The following ADAMTSL1 variants were observed in gnomAD, a reference collection of about 807,000 sequenced individuals.
ADAMTSL1 encodes the protein ADAMTS like 1.
Under a neutral mutation model 201.8 loss-of-function variants are expected in ADAMTSL1, and 126 were observed. The ratio of observed to expected loss-of-function variants is 0.62; its 90% CI spans 0.54 to 0.72. The LOEUF (loss-of-function observed/expected upper bound fraction) is 0.72. ADAMTSL1 is among the 30% of genes least tolerant of loss of function. ADAMTSL1 has a pLI of 0.00. For synonymous variants in ADAMTSL1, 1,121 were observed against 903.4 expected (o/e 1.24, Z -4.32); for missense variants, 2,679 against 2,277.8 (o/e 1.18, Z -3.59).
At chr9:18,281,885 T>C (rs1244117273) in intron 2 of ADAMTSL1, among the ~76,000 whole-genome samples, 1 of 152,232 alleles carries the variant, frequency 6.6e-6, no homozygotes, top group East Asian at 1.9e-4. Context: ...CTACAAATTT[T>C]GATTTGTTGT....
chr9:18,853,893 G>C (rs375466980), intron 23 of ADAMTSL1, among the ~76,000 whole-genome samples: 1,975 of 110,680 alleles, frequency 0.018, 45 homozygotes, highest in South Asian at 0.13. Flanking sequence ...CACTCTCTGT[G>C]TGTGTGTGTG....
intron 1 of ADAMTSL1, among the ~76,000 whole-genome samples, chr9:18,503,440 T>TATATAC (rs1304107760): frequency 7.4e-5 from 11 of 148,336 alleles, no homozygotes; most frequent in African/African-American, 2.2e-4. Flanking sequence ...TATATATATA[T>TATATAC]ACCACATTTT....
At chr9:18,429,006 A>G (rs1382654213) in intron 2 of ADAMTSL1, among the ~76,000 whole-genome samples, 2 of 152,190 alleles carry the variant, frequency 1.3e-5, no homozygotes, top group East Asian at 3.8e-4. Context: ...ATAAGTTCCA[A>G]TGATTTATCA....
chr9:18,260,675 G>GCC (rs1831883933), intron 2 of ADAMTSL1, among the ~76,000 whole-genome samples: 1 of 152,198 alleles, frequency 6.6e-6, no homozygotes, highest in African/African-American at 2.4e-5. Flanking sequence ...GCCTCTGGAA[G>GCC]CCTGCACTTT....
intron 2 of ADAMTSL1, among the ~76,000 whole-genome samples, chr9:18,352,421 A>G (rs1586948855): frequency 6.6e-6 from 1 of 152,230 alleles, no homozygotes; most frequent in East Asian, 1.9e-4. Context: ...TCCTGAGAAC[A>G]TGTGCCAAGT....
At position 18,080,479 on chromosome 9, in the gene ADAMTSL1, G is replaced by C. The variant is rs7048100; in HGVS notation, c.88-83383G>C. On this transcript the variant is annotated intron_variant, in intron 1 of 29. Coordinates refer to the ADAMTSL1 transcript ENST00000680146. Reference sequence around the variant, plus strand: ...CGGATGCACAATATCAGAGAAAAAGGTACTTGTGCTAGAAAGGGTATGGAC... The same window carrying C: ...CGGATGCACAATATCAGAGAAAAAGCTACTTGTGCTAGAAAGGGTATGGAC... Among the ~76,000 whole-genome samples, 787 of 152,120 alleles carry C rather than the reference G, an allele frequency of 5.2e-3. 6 individuals carry two copies. Among genetic ancestry groups the C allele is most frequent in the African/African-American group, 0.018 (742 of 41,468 alleles).
At chr9:17,993,045 A>C (rs917055864) in intron 1 of ADAMTSL1, among the ~76,000 whole-genome samples, 16 of 152,214 alleles carry the variant, frequency 1.1e-4, no homozygotes, top group African/African-American at 3.9e-4. Flanking sequence ...AAATAAGAGA[A>C]TCTATCCCAA....
rs186182444 is a variant in ADAMTSL1 at position 18,018,527 on chromosome 9, T to C, written c.87+111605T>C. 5.5e-3 allele frequency among the ~76,000 whole-genome samples: 834 copies of C among 152,204 alleles called. 7 individuals are homozygous for C. Among genetic ancestry groups the C allele is most frequent in the African/African-American group, 0.019 (787 of 41,568 alleles). On this transcript the variant is annotated intron_variant, in intron 1 of 29. Coordinates refer to the ADAMTSL1 transcript ENST00000680146. ...ATTATAAAAGGCTGTGGTTTTCTTC[T>C]TGAGTGTTCCCTCACTCACCCTTTG...
At chr9:18,613,045 G>A (rs545935570) in intron 4 of ADAMTSL1, among the ~76,000 whole-genome samples, 2 of 152,268 alleles carry the variant, frequency 1.3e-5, no homozygotes, top group African/African-American at 2.4e-5. Context: ...TAAAAGATGG[G>A]TAAAGGACAT....
chr9:18,243,526 C>A (rs1831145091), intron 2 of ADAMTSL1, among the ~76,000 whole-genome samples: 1 of 151,932 alleles, frequency 6.6e-6, no homozygotes, highest in Non-Finnish European at 1.5e-5. Flanking sequence ...CTCTTTCCTC[C>A]CTCAGCCTCT....
chr9:18,009,208 C>T (rs1819951808), intron 1 of ADAMTSL1, among the ~76,000 whole-genome samples: 1 of 151,972 alleles, frequency 6.6e-6, no homozygotes, highest in African/African-American at 2.4e-5. Context: ...AAATATTCTT[C>T]CTCTTCTTCC....
At chr9:18,158,777 C>A (rs777891615) in intron 1 of ADAMTSL1, among the ~76,000 whole-genome samples, 5 of 152,010 alleles carry the variant, frequency 3.3e-5, no homozygotes, top group Middle Eastern at 3.4e-3. Context: ...TCCTTCCAAC[C>A]AGAAGTTAAT....
chr9:18,829,126 T>G (rs1824811238), intron 22 of ADAMTSL1, among the ~76,000 whole-genome samples: 1 of 152,152 alleles, frequency 6.6e-6, no homozygotes. Flanking sequence ...GGCTCTTTAT[T>G]TGTCCAGCAG....
At chr9:18,731,782 G>C (rs1325465869) in intron 15 of ADAMTSL1, among the ~76,000 whole-genome samples, 1 of 152,172 alleles carries the variant, frequency 6.6e-6, no homozygotes, top group Non-Finnish European at 1.5e-5. Context: ...GAAAGCAGGA[G>C]CAAGAGGGAC....
At chr9:17,947,176 A>G (rs1259877874) in intron 1 of ADAMTSL1, among the ~76,000 whole-genome samples, 3 of 150,968 alleles carry the variant, frequency 2.0e-5, no homozygotes, top group African/African-American at 7.3e-5. Flanking sequence ...ATATAGTTAT[A>G]TATAGTATAC....
At chr9:18,284,914 A>C (rs1305228265) in intron 2 of ADAMTSL1, among the ~76,000 whole-genome samples, 2 of 152,162 alleles carry the variant, frequency 1.3e-5, no homozygotes, top group Non-Finnish European at 2.9e-5. Context: ...CATTGTGTAG[A>C]TGTGCCACAG....
intron 1 of ADAMTSL1, among the ~76,000 whole-genome samples, chr9:18,032,616 T>C (rs1399749710): frequency 1.3e-5 from 2 of 152,158 alleles, no homozygotes; most frequent in African/African-American, 4.8e-5. Context: ...GTCAGCAACA[T>C]GGAGAGTCTT....
intron 1 of ADAMTSL1, among the ~76,000 whole-genome samples, chr9:18,150,874 G>C (rs2132042704): frequency 6.6e-6 from 1 of 151,954 alleles, no homozygotes; most frequent in South Asian, 2.1e-4. Flanking sequence ...GGGAGGCAGT[G>C]ATTTTAGGGT....
In ADAMTSL1 at chr9:18,383,803, G is replaced by T. The variant is rs570680565; in HGVS notation, c.208-121026G>T. On this transcript the variant is annotated intron_variant, in intron 2 of 29. Transcript: ENST00000680146. ...GACGAGGCCAAGCTCAGGTATGGAG[G>T]AAAAATGTTACATTCCTCTACTTTT... Among the ~76,000 whole-genome samples the T allele has an allele frequency of 5.3e-5, 8 of 152,278 alleles. No individual in the cohort carries two copies. The South Asian group carries it at 1.7e-3, about 32-fold the overall frequency.
Sources: allele counts gnomAD v4.1 joint callset (sites outside exome capture counted in the v4.1 genomes callset), GRCh38; gene constraint gnomAD v4.1.1; transcripts MANE v1.5; gene names NCBI Gene and HGNC (gene_info 2026-07-23, HGNC 2026-07-21).